The following CTNNA3 variants were observed in gnomAD, a reference collection of about 807,000 sequenced individuals.
The protein encoded by CTNNA3 is catenin alpha-3.
CTNNA3 carries 76 observed loss-of-function variants against 95.7 expected under a neutral mutation model. That is an observed-to-expected ratio of 0.79 (90% confidence interval 0.66 to 0.96). The LOEUF is 0.96. Ranked by LOEUF, CTNNA3 falls within the 40% of genes least tolerant of loss-of-function variation. The pLI, the probability that CTNNA3 is intolerant of heterozygous loss-of-function variation, is 0.00. For missense variants in CTNNA3, 1,191 were observed against 1,089.8 expected (o/e 1.09, Z -1.31); for synonymous variants, 431 against 374.4 (o/e 1.15, Z -1.74).
chr10:66,168,043 G>A (rs550003291), intron 13 of CTNNA3, among the ~76,000 whole-genome samples: 1 of 152,308 alleles, frequency 6.6e-6, no homozygotes, highest in African/African-American at 2.4e-5. Flanking sequence ...GGAGATCTAA[G>A]AGGTGCATTC....
chr10:65,979,094 A>C (rs897042553), intron 16 of CTNNA3, among the ~76,000 whole-genome samples: 1 of 152,160 alleles, frequency 6.6e-6, no homozygotes, highest in Non-Finnish European at 1.5e-5. Flanking sequence ...GAAGTTATAT[A>C]TGCTGTTAAA....
chr10:67,686,169 G>T (rs1371619852), intron 1 of CTNNA3, among the ~76,000 whole-genome samples: 1 of 152,180 alleles, frequency 6.6e-6, no homozygotes, highest in Non-Finnish European at 1.5e-5. Flanking sequence ...AAGCATACTT[G>T]CTATCTGTAT....
In CTNNA3 at chr10:66,838,343, T is replaced by C. The variant is rs116720294; in HGVS notation, c.1048-62819A>G. On this transcript the variant is annotated intron_variant, in intron 7 of 17. Transcript: ENST00000433211. ...ACAATTTTGCTTCAGTAATTATGTG[T>C]TTAGAACCTACAACAATAATAAATG... Among the ~76,000 whole-genome samples the C allele has an allele frequency of 7.6e-4, 116 of 152,268 alleles. 1 individual carries two copies. The highest frequency in any genetic ancestry group is 2.1e-3 in the African/African-American group (88 of 41,580).
intron 13 of CTNNA3, among the ~76,000 whole-genome samples, chr10:66,108,220 T>C (rs938921578): frequency 1.3e-5 from 2 of 152,098 alleles, no homozygotes; most frequent in African/African-American, 2.4e-5. Context: ...AATTAAGACA[T>C]GGCCCTTGTT....
chr10:66,517,097 C>T (rs1271043098), intron 11 of CTNNA3, among the ~76,000 whole-genome samples: 2 of 152,072 alleles, frequency 1.3e-5, no homozygotes, highest in East Asian at 3.9e-4. Flanking sequence ...TGGCACATGC[C>T]TGTAATCCCA....
chr10:67,377,628 AT>A (rs139585260), intron 5 of CTNNA3, among the ~76,000 whole-genome samples: 8,999 of 44,282 alleles, frequency 0.2, 477 homozygotes, highest in East Asian at 0.56. Context: ...AAAAGAGCTT[AT>A]TTTAAAAAAA....
chr10:66,616,525 T>C (rs1844519834), intron 10 of CTNNA3, among the ~76,000 whole-genome samples: 1 of 152,062 alleles, frequency 6.6e-6, no homozygotes, highest in South Asian at 2.1e-4. Flanking sequence ...GGTGTTCATA[T>C]GATATAGTTT....
chr10:67,331,429 G>T (rs1043679654), intron 5 of CTNNA3, among the ~76,000 whole-genome samples: 2 of 151,576 alleles, frequency 1.3e-5, no homozygotes, highest in Admixed American at 6.6e-5. Context: ...TTCATTTAAG[G>T]CTATTTAGAA....
In CTNNA3 at chr10:67,478,932, T is replaced by C. The variant is rs910589604; in HGVS notation, c.579+42910A>G. 5.3e-5 allele frequency among the ~76,000 whole-genome samples: 8 copies of C among 151,058 alleles called. No homozygotes were observed. In the South Asian group the frequency reaches 6.2e-4, roughly 12 times the overall value. ...TAATGAGTTGGGAAAAGATCTATCA[T>C]GTAAACAGAAAACAAAAAAACGGCG... On this transcript the variant is annotated intron_variant, in intron 5 of 17. Coordinates refer to ENST00000433211, the MANE Select transcript of CTNNA3 (RefSeq NM_013266.4).
chr10:66,340,753 G>A (rs1006698979), intron 12 of CTNNA3, among the ~76,000 whole-genome samples: 2 of 151,466 alleles, frequency 1.3e-5, no homozygotes, highest in Non-Finnish European at 3.0e-5. Context: ...ACCATCCTGA[G>A]AGATATACGG....
intron 17 of CTNNA3, among the ~76,000 whole-genome samples, chr10:65,926,871 T>C (rs2077175852): frequency 6.6e-6 from 1 of 152,158 alleles, no homozygotes. Context: ...GGCATCTCAT[T>C]AATTACTAAT....
intron 13 of CTNNA3, among the ~76,000 whole-genome samples, chr10:66,273,087 T>A (rs1432052245): frequency 2.0e-5 from 3 of 152,212 alleles, no homozygotes; most frequent in Non-Finnish European, 2.9e-5. Flanking sequence ...CTTAGTAACC[T>A]TGGCATATGA....
At chr10:66,764,118 AAT>A (rs1320494284) in intron 9 of CTNNA3, among the ~76,000 whole-genome samples, 2 of 152,204 alleles carry the variant, frequency 1.3e-5, no homozygotes, top group Admixed American at 1.3e-4. Context: ...CCAGAACTCA[AAT>A]ATCACCCCAA....
chr10:67,308,388 C>T (rs1840645353), intron 5 of CTNNA3, among the ~76,000 whole-genome samples: 1 of 152,106 alleles, frequency 6.6e-6, no homozygotes, highest in African/African-American at 2.4e-5. Context: ...GGGCAGTTTC[C>T]CTGCACATGC....
intron 7 of CTNNA3, among the ~76,000 whole-genome samples, chr10:67,090,237 T>C (rs1589724263): frequency 6.6e-6 from 1 of 152,102 alleles, no homozygotes; most frequent in East Asian, 1.9e-4. Flanking sequence ...TTGGTCAATA[T>C]GTGTGTAGTA....
intron 9 of CTNNA3, among the ~76,000 whole-genome samples, chr10:66,761,695 G>A (rs1028916989): frequency 3.9e-5 from 6 of 151,934 alleles, no homozygotes; most frequent in African/African-American, 1.2e-4. Context: ...GCATTCTTCC[G>A]AATAATAGTT....
intron 7 of CTNNA3, among the ~76,000 whole-genome samples, chr10:66,915,067 G>T (rs924336113): frequency 6.6e-6 from 1 of 151,770 alleles, no homozygotes; most frequent in African/African-American, 2.4e-5. Flanking sequence ...TCCAATAGAA[G>T]TTTCAGAGAA....
intron 7 of CTNNA3, among the ~76,000 whole-genome samples, chr10:67,074,109 C>T (rs570387319): frequency 5.6e-4 from 80 of 142,888 alleles, no homozygotes; most frequent in Middle Eastern, 7.8e-3. Context: ...CATCTTGGCT[C>T]ATTACAACCT....
intron 1 of CTNNA3, among the ~76,000 whole-genome samples, chr10:67,661,758 T>C (rs753988011): frequency 2.0e-5 from 3 of 152,024 alleles, no homozygotes; most frequent in African/African-American, 7.2e-5. Context: ...AGAAAATATA[T>C]ACATGGCAAA....
Sources: gnomAD v4.1 joint callset for allele counts (sites outside exome capture counted in the v4.1 genomes callset) on GRCh38, gnomAD v4.1.1 for gene constraint, MANE v1.5 for transcripts, NCBI Gene and HGNC (gene_info 2026-07-23, HGNC 2026-07-21) for gene names.